The following CNTNAP5 variants were observed in gnomAD, a reference collection of about 807,000 sequenced individuals.
The protein encoded by CNTNAP5 is contactin-associated protein-like 5.
A neutral mutation model predicts 150.2 loss-of-function variants in CNTNAP5; 72 were observed. The ratio of observed to expected loss-of-function variants is 0.48; its 90% CI spans 0.40 to 0.58. The LOEUF is 0.58. Among genes scored for constraint, CNTNAP5 ranks in the 20% least tolerant of loss-of-function variants. CNTNAP5 has a pLI of 0.00. For missense variants in CNTNAP5, 1,636 were observed against 1,626.2 expected (o/e 1.01, Z -0.10); for synonymous variants, 672 against 619.8 (o/e 1.08, Z -1.25).
At chr2:124,587,100 T>C (rs536197331) in intron 11 of CNTNAP5, among the ~76,000 whole-genome samples, 54 of 152,298 alleles carry the variant, frequency 3.5e-4, no homozygotes, top group Admixed American at 8.5e-4. Context: ...TCAGGCACTA[T>C]AGGATCAAAT....
At chr2:124,449,144 T>C (rs1574001758) in intron 6 of CNTNAP5, among the ~76,000 whole-genome samples, 1 of 152,190 alleles carries the variant, frequency 6.6e-6, no homozygotes, top group East Asian at 1.9e-4. Flanking sequence ...GGATAAAATA[T>C]GCCATTCATT....
At chr2:124,135,296 G>T (rs1181708212) in intron 1 of CNTNAP5, 1 of 152,196 alleles carries the variant, frequency 6.6e-6, no homozygotes, top group African/African-American at 2.4e-5. Context: ...AGGGCCAGGC[G>T]TGTTTCCAGA....
At chr2:124,702,134 C>T (rs1679534015) in intron 13 of CNTNAP5, among the ~76,000 whole-genome samples, 1 of 151,772 alleles carries the variant, frequency 6.6e-6, no homozygotes. Flanking sequence ...TTTCTCATCA[C>T]CTACCAAGGC....
At chr2:124,236,792 T>G (rs1686758026) in intron 2 of CNTNAP5, among the ~76,000 whole-genome samples, 1 of 151,998 alleles carries the variant, frequency 6.6e-6, no homozygotes, top group African/African-American at 2.4e-5. Context: ...GGGTTTATTT[T>G]AGGCTTTAAA....
intron 12 of CNTNAP5, among the ~76,000 whole-genome samples, chr2:124,635,797 C>G (rs577213278): frequency 6.6e-6 from 1 of 152,176 alleles, no homozygotes; most frequent in Non-Finnish European, 1.5e-5. Context: ...CCAAGCACCC[C>G]TTGCTTGAGA....
rs1269280581 is a variant in CNTNAP5, at chr2:124,919,611, C to G, written c.*5323C>G. ...GCCTTTCCACTTTCATGGCTCCTCA[C>G]TCAGGAGTCTCTTTAGTGCATTTGG... On this transcript the variant is annotated 3_prime_UTR_variant, in exon 24 of 24. Transcript: ENST00000682447. Among the ~76,000 whole-genome samples, 2 of 152,050 alleles carry G rather than the reference C, an allele frequency of 1.3e-5. No homozygotes were observed. Among genetic ancestry groups the G allele is most frequent in the African/African-American group, 4.8e-5 (2 of 41,422 alleles).
At chr2:124,785,636 C>A (rs1157583073) in intron 17 of CNTNAP5, among the ~76,000 whole-genome samples, 1 of 152,010 alleles carries the variant, frequency 6.6e-6, no homozygotes, top group Non-Finnish European at 1.5e-5. Context: ...ACAAGTGGTT[C>A]GGAATGCTTG....
chr2:124,434,046 G>A (rs79808812), intron 4 of CNTNAP5, among the ~76,000 whole-genome samples: 2,400 of 152,222 alleles, frequency 0.016, 36 homozygotes, highest in South Asian at 0.061. Flanking sequence ...AGTACTATGT[G>A]GAGTTGGCAT....
intron 1 of CNTNAP5, among the ~76,000 whole-genome samples, chr2:124,053,488 G>A (rs2439003): frequency 0.24 from 36,779 of 152,144 alleles, 4,805 homozygotes; most frequent in Middle Eastern, 0.31. Flanking sequence ...GGCCCCATCT[G>A]GGGGCAGAAT....
Position 124,360,376 on chromosome 2 carries a change from G to A in CNTNAP5, c.382-57067G>A, listed in dbSNP as rs1037291264. Among the ~76,000 whole-genome samples, 55 of 148,548 alleles carry A rather than the reference G, an allele frequency of 3.7e-4. 1 individual carries two copies. Among genetic ancestry groups the A allele is most frequent in the African/African-American group, 8.0e-4 (33 of 41,248 alleles). On this transcript the variant is annotated intron_variant, in intron 3 of 23. Transcript: ENST00000682447. ...ATGATGTTAGCCGGTTATTATGCTC[G>A]TTAGTTGATGCAGTTTCTTCCTAGT...
At chr2:124,655,945 G>GAAAGAAAGAAATAAATAAAGAA (rs1553427799) in intron 13 of CNTNAP5, among the ~76,000 whole-genome samples, 5 of 55,490 alleles carry the variant, frequency 9.0e-5, no homozygotes, top group African/African-American at 3.8e-4. Context: ...GAGAGAGAGA[G>GAAAGAAAGAAATAAATAAAGAA]AGAAAGAAAG....
chr2:124,646,564 C>T lies in CNTNAP5; in HGVS notation c.1877-1194C>T, dbSNP rs150439825. ...GGGCAAGATTCTCAGATGACAAAAG[C>T]TTTTCAAGTCTTCCTATTTCCTCTT... is the stretch of plus-strand genomic sequence containing the variant. On this transcript the variant is annotated intron_variant, in intron 12 of 23. Transcript: ENST00000682447. Among the ~76,000 whole-genome samples the T allele has an allele frequency of 3.3e-3, 500 of 152,244 alleles. 4 individuals are homozygous for T. The highest frequency in any genetic ancestry group is 0.011 in the African/African-American group (466 of 41,538).
intron 15 of CNTNAP5, 49 bp from the exon 16 acceptor site, chr2:124,763,928 T>C: frequency 1.3e-6 from 2 of 1,598,562 alleles, no homozygotes; most frequent in Middle Eastern, 3.4e-4. Context: ...TGCTTTCCCA[T>C]ACCCCACTGA....
chr2:124,403,753 A>G (rs2584355), intron 3 of CNTNAP5, among the ~76,000 whole-genome samples: 70,181 of 152,042 alleles, frequency 0.46, 17,846 homozygotes, highest in East Asian at 0.63. Context: ...ATAAAGACAT[A>G]CCCGAGACTG....
At chr2:124,733,748 G>C (rs1385038483) in intron 13 of CNTNAP5, among the ~76,000 whole-genome samples, 3 of 152,162 alleles carry the variant, frequency 2.0e-5, no homozygotes, top group African/African-American at 7.2e-5. Flanking sequence ...TAATCGAATA[G>C]TTAGTTTAAG....
chr2:124,910,864 G>T (rs1678640332), intron 22 of CNTNAP5, among the ~76,000 whole-genome samples: 1 of 151,840 alleles, frequency 6.6e-6, no homozygotes, highest in Non-Finnish European at 1.5e-5. Flanking sequence ...TTTAATACAT[G>T]TGCAAATTTA....
rs1682691464 is a variant in CNTNAP5 at position 124,086,334 on chromosome 2, G to C, written c.82+60602G>C. 3.3e-5 allele frequency among the ~76,000 whole-genome samples: 5 copies of C among 151,232 alleles called. No individual in the cohort carries two copies. The South Asian group carries it at 1.0e-3, about 31-fold the overall frequency. The stretch of plus-strand genomic sequence containing the variant: ...TTCTCCTGCCTCAGCCTCCCGAGTA[G>C]CTGGGACTGCAGGTGCCTGCCACCA... On this transcript the variant is annotated intron_variant, in intron 1 of 23. Transcript: ENST00000682447.
chr2:124,226,039 G>A (rs867676087), intron 2 of CNTNAP5, among the ~76,000 whole-genome samples: 1 of 152,034 alleles, frequency 6.6e-6, no homozygotes, highest in African/African-American at 2.4e-5. Flanking sequence ...GGTCGCTTCC[G>A]TATCTTGGCT....
intron 12 of CNTNAP5, among the ~76,000 whole-genome samples, chr2:124,612,084 C>A (rs1677396223): frequency 6.6e-6 from 1 of 152,142 alleles, no homozygotes; most frequent in Non-Finnish European, 1.5e-5. Flanking sequence ...TGTTCTATTA[C>A]ATACATTTTG....
Sources: gnomAD v4.1 joint callset for allele counts (sites outside exome capture counted in the v4.1 genomes callset) on GRCh38, gnomAD v4.1.1 for gene constraint, MANE v1.5 for transcripts, NCBI Gene and HGNC (gene_info 2026-07-23, HGNC 2026-07-21) for gene names.